Variants in WIZ observed in about 807,000 individuals in gnomAD.
WIZ encodes the protein protein Wiz.
WIZ carries 25 observed loss-of-function variants against 140.2 expected under a neutral mutation model. The ratio of observed to expected loss-of-function variants is 0.18; its 90% CI spans 0.13 to 0.25. The LOEUF (loss-of-function observed/expected upper bound fraction) is 0.25, where lower values mean the gene tolerates loss of function less well. WIZ is among the 10% of genes least tolerant of loss of function. The pLI, the probability that WIZ is intolerant of heterozygous loss-of-function variation, is 1.00. For missense variants in WIZ, 2,231 were observed against 2,632.6 expected (o/e 0.85, Z 3.34); for synonymous variants, 1,125 against 1,154.3 (o/e 0.97, Z 0.51).
chr19:15,433,009 C>T (rs983894721), intron 5 of WIZ, among the ~76,000 whole-genome samples: 10 of 152,110 alleles, frequency 6.6e-5, no homozygotes, highest in Non-Finnish European at 1.2e-4. Flanking sequence ...CATCTCTATC[C>T]CTAGGATGGG....
Position 15,440,770 on chromosome 19 carries a change from T to A in WIZ, c.279-55A>T. 7.0e-7 allele frequency: 1 copy of A among 1,432,340 alleles called. No individual in the cohort carries two copies. Among genetic ancestry groups the A allele is most frequent in the Non-Finnish European group, 9.1e-7 (1 of 1,094,652 alleles). 88.7% of individuals were successfully genotyped at this position (1,432,340 alleles called of 1,614,324 possible). A position where few individuals can be genotyped will look rare whatever the true frequency, so the allele number is the denominator to read the frequency against. ...AGCCATGGGCTGCAGTTTTCCTTCC[T>A]AGGGTGGTGATGGGGGTCCTCCCAG... On this transcript the variant is annotated intron_variant, in intron 3 of 12. Transcript: ENST00000673675. The surrounding 1 kb of genome is among the most constrained non-coding windows in gnomAD (Gnocchi z 6.2).
chr19:15,446,665 C>T (rs554099865), intron 2 of WIZ, among the ~76,000 whole-genome samples: 1 of 152,312 alleles, frequency 6.6e-6, no homozygotes, highest in South Asian at 2.1e-4. Flanking sequence ...CTCATCCTAC[C>T]TCTCACTTCC....
intron 10 of WIZ, 72 bp downstream of exon 10, chr19:15,425,169 A>T: frequency 6.5e-7 from 1 of 1,542,932 alleles, no homozygotes; most frequent in Non-Finnish European, 8.7e-7. Context: ...GTCAGTGTGC[A>T]CGCTTGTGGC....
intron 5 of WIZ, chr19:15,432,522 TGGCGGCGGCGGCGGGGGTGGGGGCGGC>T (rs1457384651): frequency 2.6e-5 from 6 of 229,486 alleles, no homozygotes; most frequent in South Asian, 1.8e-4. Context: ...GCGGTGGTGG[TGGCGGCGGCGGCGGGGGTGGGGGCGGC>T]GGCGGCGGCG....
Position 15,428,235 on chromosome 19 carries a change from G to A in WIZ, c.3689C>T (p.Pro1230Leu), listed in dbSNP as rs1223432561. Residue 1230 changes from proline (P) to leucine (L), a missense_variant, in exon 8 of 13, where the codon CCG becomes CTG. Pro to Leu is a moderately conservative substitution (Grantham distance 98). Coordinates refer to ENST00000673675, the MANE Select transcript of WIZ (RefSeq NM_001371589.1). This position sits in a 1 kb window ranked among gnomAD's most constrained non-coding sequence, Gnocchi z 6.4. ...GGCCTTCAGCTTGGCCTTCTTGGCC[G>A]GCGGTGGGGGGGGAAGCAAGGAGAG... ...AALSLLPPPP[P>L]AKKAKLKAAG... The A allele has an allele frequency of 6.5e-7, 1 of 1,531,486 alleles. No individual in the cohort carries two copies. The highest frequency in any genetic ancestry group is 2.0e-5 in the Admixed American group (1 of 50,472). The allele number at this position is 1,531,486 out of a possible 1,614,324, so 94.9% of individuals were successfully genotyped here. A position where few individuals can be genotyped will look rare whatever the true frequency, so the allele number is the denominator to read the frequency against.
In WIZ at chr19:15,440,760, T is replaced by G. The variant is rs1969713774; in HGVS notation, c.279-45A>C. Reference sequence around the variant, plus strand: ...GGGACAGGTTAGCCATGGGCTGCAGTTTTCCTTCCTAGGGTGGTGATGGGG... The same window carrying G: ...GGGACAGGTTAGCCATGGGCTGCAGGTTTCCTTCCTAGGGTGGTGATGGGG... On this transcript the variant is annotated intron_variant, in intron 3 of 12. Transcript: ENST00000673675. The surrounding 1 kb of genome is among the most constrained non-coding windows in gnomAD (Gnocchi z 6.2). 1 of 1,440,908 alleles carries G rather than the reference T, an allele frequency of 6.9e-7. No individual in the cohort carries two copies. Among genetic ancestry groups the G allele is most frequent in the Non-Finnish European group, 9.1e-7 (1 of 1,099,966 alleles). 89.3% of individuals were successfully genotyped at this position (1,440,908 alleles called of 1,614,324 possible). A position where few individuals can be genotyped will look rare whatever the true frequency, so the allele number is the denominator to read the frequency against.
At position 15,431,025 on chromosome 19, in the gene WIZ, C is replaced by T. The variant is rs1969198443; in HGVS notation, c.2898G>A (p.Leu966=). ...TGGGCCACTCACCCTTGAGGTCCTG[C>T]AGCTCCTGTTTGCTGCCATGAGGAA... ...AEVPHGSKQE[L]QDLKAQSLTT... The change falls in exon 6 of 13, where the codon CTG becomes CTA. Residue 966 remains leucine (L), a synonymous_variant. Transcript: ENST00000673675. 2 of 1,534,270 alleles carry T rather than the reference C, an allele frequency of 1.3e-6. No homozygotes were observed. Among genetic ancestry groups the T allele is most frequent in the Non-Finnish European group, 1.7e-6 (2 of 1,146,050 alleles).
chr19:15,448,146 C>G lies in WIZ; in HGVS notation c.162G>C (p.Lys54Asn). 1 of 1,612,884 alleles carries G rather than the reference C, an allele frequency of 6.2e-7. No homozygotes were observed. ...FRSTRYLPVT[K>N]EGPRDILDGR... The stretch of plus-strand genomic sequence containing the variant: ...CATCCAGAATGTCTCGGGGGCCCTC[C>G]TTGGTGACAGGCAGGTAACGGGTGG... The change falls in exon 2 of 13, where the codon AAG becomes AAC. Residue 54 changes from lysine (K) to asparagine (N), a missense_variant. By Grantham distance (94) the Lys-to-Asn change is moderately conservative (BLOSUM62 0). Coordinates refer to ENST00000673675, the MANE Select transcript of WIZ (RefSeq NM_001371589.1).
Position 15,424,700 on chromosome 19 carries a change from G to A in WIZ, c.5227C>T (p.Arg1743Trp), listed in dbSNP as rs562939048. 2.3e-5 allele frequency: 36 copies of A among 1,581,866 alleles called. No individual in the cohort carries two copies. Among genetic ancestry groups the A allele is most frequent in the Admixed American group, 6.9e-5 (4 of 58,120 alleles). The change falls in exon 11 of 13, where the codon CGG (arginine) becomes TGG (tryptophan). Residue 1743 changes from arginine to tryptophan, a missense_variant. By Grantham distance (101) the Arg-to-Trp change is moderately radical. Around this residue, in one of 15 missense-constraint regions of WIZ, gnomAD observed 299 missense variants for 309.6 expected, o/e 0.97. Coordinates refer to ENST00000673675, the MANE Select transcript of WIZ (RefSeq NM_001371589.1). The surrounding 1 kb of genome is among the most constrained non-coding windows in gnomAD (Gnocchi z 9.7). The part of the protein sequence containing the change: ...AGGEPGPEAG[R>W]AADGGERPLA... ...GGCCGCTCACCACCGTCGGCTGCCCGGCCAGCCTCGGGCCCTGGCTCCCCT... is the reference window on the plus strand; with the variant it reads ...GGCCGCTCACCACCGTCGGCTGCCCAGCCAGCCTCGGGCCCTGGCTCCCCT...
chr19:15,431,290 G>T, intron 5 of WIZ, 108 bp from the exon 6 acceptor site: 1 of 1,327,614 alleles, frequency 7.5e-7, no homozygotes, highest in Non-Finnish European at 1.0e-6. Flanking sequence ...CTCACTCTGC[G>T]AAGCGACTCA....
chr19:15,425,553 G>T lies in WIZ; in HGVS notation c.4582C>A (p.Leu1528Met). 6.2e-7 allele frequency: 1 copy of T among 1,612,864 alleles called. No homozygotes were observed. Among genetic ancestry groups the T allele is most frequent in the Non-Finnish European group, 8.5e-7 (1 of 1,179,526 alleles). ...CCGTCCTCAGCCAGGGCAGGGGCCA[G>T]GTCTCCAGCCGGTGGCTCCTTCTTG... Reference protein sequence around the residue: ...LIKKEPPAGDLAPALAEDGPP... With the variant: ...LIKKEPPAGDMAPALAEDGPP... Residue 1528 changes from leucine to methionine, a missense_variant, in exon 10 of 13, where the codon CTG (leucine) becomes ATG (methionine). Leu to Met is a conservative substitution (Grantham distance 15). Coordinates refer to ENST00000673675, the MANE Select transcript of WIZ (RefSeq NM_001371589.1).
At position 15,425,482 on chromosome 19, in the gene WIZ, C is replaced by T; in HGVS notation, c.4653G>A (p.Leu1551=). 6.2e-7 allele frequency: 1 copy of T among 1,605,996 alleles called. No homozygotes were observed. Among genetic ancestry groups the T allele is most frequent in the Non-Finnish European group, 8.5e-7 (1 of 1,176,486 alleles). The change falls in exon 10 of 13, where the codon CTG becomes CTA. Residue 1551 remains leucine, a synonymous_variant. Transcript: ENST00000673675. The part of the protein sequence containing the change: ...APGPVQSPLP[L]SPLAGRPGKP... ...TGCCTGGCCGGCCAGCCAGGGGCGA[C>T]AGCGGCAGTGGGGACTGCACGGGCC...
In WIZ at chr19:15,424,779, C is replaced by T; in HGVS notation, c.5148G>A (p.Arg1716=). ...CCCCGGGTGCCAGCCCCAGGGACGG[C>T]CGCTTGTCACTGTCACGGCCATGGC... ...SAGHGRDSDK[R]PSLGLAPGGL... is the part of the protein sequence containing the mutation. The change falls in exon 11 of 13, where the codon CGG becomes CGA. Residue 1716 remains arginine, a synonymous_variant. Coordinates refer to ENST00000673675, the MANE Select transcript of WIZ (RefSeq NM_001371589.1). This position sits in a 1 kb window ranked among gnomAD's most constrained non-coding sequence, Gnocchi z 9.7. 1 of 1,589,920 alleles carries T rather than the reference C, an allele frequency of 6.3e-7. No homozygotes were observed. Among genetic ancestry groups the T allele is most frequent in the Non-Finnish European group, 8.5e-7 (1 of 1,169,834 alleles).
chr19:15,437,434 G>A (rs372852547), intron 4 of WIZ, among the ~76,000 whole-genome samples: 13 of 152,342 alleles, frequency 8.5e-5, no homozygotes, highest in African/African-American at 2.2e-4. Context: ...GAGGCCAAGC[G>A]GGAAGATCTC....
intron 5 of WIZ, among the ~76,000 whole-genome samples, chr19:15,434,357 C>G (rs1047678561): frequency 2.0e-5 from 3 of 150,514 alleles, no homozygotes; most frequent in Admixed American, 6.6e-5. Context: ...GTCAGGAGAT[C>G]GAGACCGTGC....
chr19:15,423,035 A>C lies in WIZ; in HGVS notation c.*41T>G, dbSNP rs780386424. 5 of 1,598,414 alleles carry C rather than the reference A, an allele frequency of 3.1e-6. No individual in the cohort carries two copies. The highest frequency in any genetic ancestry group is 4.3e-6 in the Non-Finnish European group (5 of 1,172,244). ...AAGGACACAGAGGAGGAAGAAGAGG[A>C]GACAGAGGTGGCACGAGAGGGGATC... On this transcript the variant is annotated 3_prime_UTR_variant, in exon 13 of 13. Transcript: ENST00000673675.
chr19:15,449,863 T>TGCCGCTACC lies in WIZ; in HGVS notation c.-135_-127dup, dbSNP rs1362180998. The TGCCGCTACC allele has an allele frequency of 6.7e-6, 1 of 149,126 alleles. No homozygotes were observed. Among genetic ancestry groups the TGCCGCTACC allele is most frequent in the African/African-American group, 2.4e-5 (1 of 40,858 alleles). The allele number at this position is 149,126 out of a possible 1,614,324, so 9.2% of individuals were successfully genotyped here. A position where few individuals can be genotyped will look rare whatever the true frequency, so the allele number is the denominator to read the frequency against. On this transcript the variant is annotated 5_prime_UTR_variant, in exon 1 of 13. Coordinates refer to ENST00000673675, the MANE Select transcript of WIZ (RefSeq NM_001371589.1). The stretch of plus-strand genomic sequence containing the variant: ...CTCCCCTCCTTGGTGCGGCCGTCGC[T>TGCCGCTACC]GCCGCTACCGCCGCTGCCGCTCCCG...
At chr19:15,445,631 G>A (rs1341313135) in intron 2 of WIZ, among the ~76,000 whole-genome samples, 1 of 152,150 alleles carries the variant, frequency 6.6e-6, no homozygotes, top group Non-Finnish European at 1.5e-5. Context: ...GTCCCTGGGT[G>A]CCCTGTCCCC....
At chr19:15,448,488 C>T (rs545296102) in intron 1 of WIZ, 121 bp from the exon 2 acceptor site, 12 of 734,228 alleles carry the variant, frequency 1.6e-5, no homozygotes, top group East Asian at 2.7e-5. Context: ...ACCTCCCAGC[C>T]CAGGGGAGCT....
Sources: allele counts gnomAD v4.1 joint callset (sites outside exome capture counted in the v4.1 genomes callset), GRCh38; gene constraint gnomAD v4.1.1; regional missense constraint gnomAD v4.1.1; non-coding constraint Gnocchi (gnomAD v3.1); transcripts MANE v1.5; gene names NCBI Gene and HGNC (gene_info 2026-07-23, HGNC 2026-07-21).